The following MYT1L variants were observed in gnomAD, a reference collection of about 807,000 sequenced individuals.
MYT1L encodes myelin transcription factor 1 like, also known as myelin transcription factor 1-like protein.
MYT1L carries 12 observed loss-of-function variants against 126.7 expected under a neutral mutation model. The observed-to-expected ratio is 0.09, with a 90% confidence interval of 0.06 to 0.15. MYT1L has a LOEUF of 0.15. MYT1L is among the 10% of genes least tolerant of loss of function. The pLI is 1.00. For missense variants in MYT1L, 979 were observed against 1,585.2 expected (o/e 0.62, Z 6.49); for synonymous variants, 541 against 604.2 (o/e 0.90, Z 1.53).
chr2:1,876,130 T>C (rs1046746164), intron 18 of MYT1L, among the ~76,000 whole-genome samples: 3 of 152,198 alleles, frequency 2.0e-5, no homozygotes, highest in African/African-American at 4.8e-5. Flanking sequence ...TGCAGGGGAA[T>C]GCTGTACTCT....
At chr2:2,207,920 C>T (rs999580248) in intron 2 of MYT1L, among the ~76,000 whole-genome samples, 45 of 152,306 alleles carry the variant, frequency 3.0e-4, no homozygotes, top group African/African-American at 1.1e-3. Context: ...CTGCCCACCC[C>T]GAAGCACGTC....
chr2:1,956,564 A>T (rs1359754032), intron 8 of MYT1L, among the ~76,000 whole-genome samples: 2 of 127,028 alleles, frequency 1.6e-5, no homozygotes, highest in African/African-American at 3.1e-5. Flanking sequence ...ATCCTATTCT[A>T]TATTTCCTAT....
intron 2 of MYT1L, among the ~76,000 whole-genome samples, chr2:2,200,754 C>A (rs2093035900): frequency 6.6e-6 from 1 of 152,214 alleles, no homozygotes; most frequent in African/African-American, 2.4e-5. Context: ...CGAATGCCAG[C>A]AATGGCTGAG....
At chr2:2,014,496 C>T (rs2064168252) in intron 4 of MYT1L, among the ~76,000 whole-genome samples, 2 of 152,114 alleles carry the variant, frequency 1.3e-5, no homozygotes, top group Non-Finnish European at 1.5e-5. Flanking sequence ...GGTGGAAGGT[C>T]GTGTCTGCAT....
chr2:1,936,348 G>A (rs2055882523), intron 9 of MYT1L, among the ~76,000 whole-genome samples: 1 of 152,246 alleles, frequency 6.6e-6, no homozygotes, highest in Non-Finnish European at 1.5e-5. Context: ...CAGTTTGCAT[G>A]AAGAGAGTTT....
intron 8 of MYT1L, among the ~76,000 whole-genome samples, chr2:1,959,738 T>A (rs923094027): frequency 6.6e-6 from 1 of 152,214 alleles, no homozygotes; most frequent in Non-Finnish European, 1.5e-5. Context: ...TGTGCTCAGA[T>A]AGAGATGCTG....
chr2:2,044,706 G>A (rs1359066636), intron 4 of MYT1L, among the ~76,000 whole-genome samples: 3 of 152,202 alleles, frequency 2.0e-5, no homozygotes, highest in African/African-American at 7.2e-5. Context: ...TGGGGGCCAT[G>A]GCTAGCCTTC....
chr2:2,104,901 T>A (rs879712312), intron 3 of MYT1L, among the ~76,000 whole-genome samples: 3 of 152,182 alleles, frequency 2.0e-5, no homozygotes, highest in Non-Finnish European at 4.4e-5. Context: ...GTTACTCTTC[T>A]TTAAGGAGAG....
chr2:2,002,892 C>T (rs777177443), intron 4 of MYT1L, among the ~76,000 whole-genome samples: 12 of 152,108 alleles, frequency 7.9e-5, no homozygotes, highest in Non-Finnish European at 1.8e-4. Flanking sequence ...CTTCCTGCCA[C>T]CTTGTGAAGA....
chr2:2,040,072 G>T (rs548152578), intron 4 of MYT1L, among the ~76,000 whole-genome samples: 1 of 152,272 alleles, frequency 6.6e-6, no homozygotes, highest in African/African-American at 2.4e-5. Context: ...TCAGCATTTA[G>T]GAATCCATCT....
intron 21 of MYT1L, among the ~76,000 whole-genome samples, chr2:1,836,714 T>A (rs548424965): frequency 8.1e-6 from 1 of 124,070 alleles, no homozygotes; most frequent in Non-Finnish European, 1.7e-5. Context: ...TCAGCCTGCA[T>A]CCCAAAATTC....
chr2:1,791,985 A>T lies in MYT1L; in HGVS notation c.3443T>A (p.Phe1148Tyr). 6.2e-7 allele frequency: 1 copy of T among 1,604,060 alleles called. No homozygotes were observed. The highest frequency in any genetic ancestry group is 8.5e-7 in the Non-Finnish European group (1 of 1,176,832). The change falls in exon 25 of 25, where the codon TTT becomes TAT. Residue 1148 changes from phenylalanine to tyrosine, a missense_variant. Physicochemically the swap from Phe to Tyr is conservative, Grantham distance 22. Coordinates refer to ENST00000647738, the MANE Select transcript of MYT1L (RefSeq NM_001303052.2). The surrounding 1 kb of genome is among the most constrained non-coding windows in gnomAD (Gnocchi z 6.0). ...PHMDPINEQN[F>Y]DAYVTTLTEM... Reference sequence around the variant, plus strand: ...CGTCAAAGTAGTCACGTAAGCATCAAAATTTTGTTCATTGATTGGATCCTA... The same window carrying T: ...CGTCAAAGTAGTCACGTAAGCATCATAATTTTGTTCATTGATTGGATCCTA...
In MYT1L at chr2:1,889,514, G is replaced by A. The variant is rs367560575; in HGVS notation, c.2284-37C>T. On this transcript the variant is annotated intron_variant, in intron 15 of 24. Transcript: ENST00000647738. This position sits in a 1 kb window ranked among gnomAD's most constrained non-coding sequence, Gnocchi z 4.1. ...AAGACATAGTGACTGTGCTTGGCCC[G>A]GCATCTTGTGACACCACGAGTCCTT... The A allele has an allele frequency of 1.6e-5, 24 of 1,507,774 alleles. No homozygotes were observed. The highest frequency in any genetic ancestry group is 9.7e-5 in the African/African-American group (7 of 72,492). The allele number at this position is 1,507,774 out of a possible 1,614,324, so 93.4% of individuals were successfully genotyped here.
At position 2,139,388 on chromosome 2, in the gene MYT1L, G is replaced by A. The variant is rs1218997547; in HGVS notation, c.-304+33484C>T. Among the ~76,000 whole-genome samples the A allele has an allele frequency of 5.9e-5, 9 of 151,994 alleles. No homozygotes were observed. The East Asian group carries it at 1.6e-3, about 26-fold the overall frequency. On this transcript the variant is annotated intron_variant, in intron 3 of 24. Coordinates refer to ENST00000647738, the MANE Select transcript of MYT1L (RefSeq NM_001303052.2). ...CAATCCTGGCACTTTGGGAGGCCGA[G>A]GTGGGTGGATCACCTGAGGTCAGGA...
chr2:1,895,060 A>G (rs1002547757), intron 14 of MYT1L, among the ~76,000 whole-genome samples: 2 of 152,200 alleles, frequency 1.3e-5, no homozygotes, highest in African/African-American at 4.8e-5. Flanking sequence ...CTATACACCA[A>G]TAACATCCAG....
chr2:1,981,161 T>A (rs1473050366), intron 5 of MYT1L, among the ~76,000 whole-genome samples: 2 of 152,222 alleles, frequency 1.3e-5, no homozygotes, highest in Non-Finnish European at 2.9e-5. Context: ...CCTGATTTAA[T>A]GTTTATAGCA....
rs545831383 is a variant in MYT1L at position 1,914,540 on chromosome 2, C to T, written c.1619-2430G>A. On this transcript the variant is annotated intron_variant, in intron 11 of 24. Transcript: ENST00000647738. Reference sequence around the variant, plus strand: ...AAGGACGGTATCCAGGTAGCCACCTCTGCACCTGACCTCCCCAGGCCTCCA... The same window carrying T: ...AAGGACGGTATCCAGGTAGCCACCTTTGCACCTGACCTCCCCAGGCCTCCA... 3.3e-4 allele frequency among the ~76,000 whole-genome samples: 51 copies of T among 152,248 alleles called. 3 individuals are homozygous for T. In the South Asian group the frequency reaches 9.5e-3, roughly 28 times the overall value.
At chr2:2,271,547 C>T (rs1419691894) in intron 2 of MYT1L, among the ~76,000 whole-genome samples, 2 of 152,318 alleles carry the variant, frequency 1.3e-5, no homozygotes, top group African/African-American at 2.4e-5. Flanking sequence ...TGAGCCAAGG[C>T]GCTGAGGTCA....
chr2:1,860,949 C>T (rs558024421), intron 18 of MYT1L, among the ~76,000 whole-genome samples: 5 of 152,116 alleles, frequency 3.3e-5, no homozygotes, highest in Middle Eastern at 3.4e-3. Flanking sequence ...ACCACCACGG[C>T]GACCACGCTC....
Sources: allele counts gnomAD v4.1 joint callset (sites outside exome capture counted in the v4.1 genomes callset), GRCh38; gene constraint gnomAD v4.1.1; non-coding constraint Gnocchi (gnomAD v3.1); transcripts MANE v1.5; gene names NCBI Gene and HGNC (gene_info 2026-07-23, HGNC 2026-07-21).